The following PDE3B variants were observed in gnomAD, a reference collection of about 807,000 sequenced individuals.
PDE3B encodes phosphodiesterase 3B, also known as cGMP-inhibited 3',5'-cyclic phosphodiesterase 3B.
A neutral mutation model predicts 116.8 loss-of-function variants in PDE3B; 66 were observed. The observed-to-expected ratio is 0.56, with a 90% CI of 0.46 to 0.69. The LOEUF is 0.69. PDE3B is among the 30% of genes least tolerant of loss of function. The probability of loss-of-function intolerance (pLI) is 0.00; values close to 1 mark genes in which losing one functional copy is unlikely to be tolerated. For missense variants in PDE3B, 1,384 were observed against 1,368.1 expected, an observed-to-expected ratio of 1.01 and a Z score of -0.18; for synonymous variants, 595 against 533.6, an observed-to-expected ratio of 1.12 and a Z score of -1.59.
At chr11:14,846,504 G>A (rs1446948219) in intron 12 of PDE3B, among the ~76,000 whole-genome samples, 3 of 152,148 alleles carry the variant, frequency 2.0e-5, no homozygotes, top group Non-Finnish European at 2.9e-5. Context: ...AACTTTAAAT[G>A]TAAATGGACT....
chr11:14,739,120 T>C (rs1042479558), intron 1 of PDE3B, among the ~76,000 whole-genome samples: 1 of 152,198 alleles, frequency 6.6e-6, no homozygotes, highest in Non-Finnish European at 1.5e-5. Flanking sequence ...TTTAAAGTAG[T>C]TTTCTCTAAT....
intron 4 of PDE3B, among the ~76,000 whole-genome samples, chr11:14,796,554 C>T (rs554423602): frequency 3.9e-5 from 6 of 152,290 alleles, no homozygotes; most frequent in Non-Finnish European, 8.8e-5. Context: ...TTTTAATGAT[C>T]GCCATTCTAA....
chr11:14,701,766 GTTTA>G (rs1487206268), intron 1 of PDE3B, among the ~76,000 whole-genome samples: 2 of 150,790 alleles, frequency 1.3e-5, no homozygotes, highest in African/African-American at 4.9e-5. Flanking sequence ...TGGAAATACT[GTTTA>G]TTTGTGAACT....
At chr11:14,745,716 C>T (rs1856893562) in intron 1 of PDE3B, among the ~76,000 whole-genome samples, 1 of 151,676 alleles carries the variant, frequency 6.6e-6, no homozygotes, top group Admixed American at 6.6e-5. Flanking sequence ...TACTTTTTCC[C>T]TTCACCATTT....
chr11:14,851,953 CAT>C (rs993438616), intron 12 of PDE3B, among the ~76,000 whole-genome samples: 3 of 152,176 alleles, frequency 2.0e-5, no homozygotes, highest in African/African-American at 7.2e-5. Flanking sequence ...AAGGAGGTAA[CAT>C]ATGGAAGGTT....
chr11:14,897,345 G>C, the PDE3B span, among the ~76,000 whole-genome samples: 3 of 152,312 alleles, frequency 2.0e-5, no homozygotes, highest in South Asian at 6.2e-4. Flanking sequence ...TGAAGGTTTA[G>C]TGGGGTTGCC....
intron 12 of PDE3B, among the ~76,000 whole-genome samples, chr11:14,856,767 C>A (rs1051419781): frequency 6.6e-6 from 1 of 151,270 alleles, no homozygotes; most frequent in Non-Finnish European, 1.5e-5. Context: ...GGCAGGAGAA[C>A]GGCTTGAACC....
At chr11:14,730,974 A>G (rs1397926438) in intron 1 of PDE3B, among the ~76,000 whole-genome samples, 2 of 152,214 alleles carry the variant, frequency 1.3e-5, no homozygotes, top group African/African-American at 4.8e-5. Context: ...TAAACATTAA[A>G]AAGTATCCAG....
chr11:14,644,231 C>G lies in PDE3B; in HGVS notation c.156C>G (p.Cys52Trp). 1 of 1,587,376 alleles carries G rather than the reference C, an allele frequency of 6.3e-7. No homozygotes were observed. Among genetic ancestry groups the G allele is most frequent in the East Asian group, 2.3e-5 (1 of 43,188 alleles). The change falls in exon 1 of 16, where the codon TGC becomes TGG. Residue 52 changes from cysteine (C) to tryptophan (W), a missense_variant. By Grantham distance (215) the Cys-to-Trp change is radical. Coordinates refer to ENST00000282096, the MANE Select transcript of PDE3B (RefSeq NM_000922.4). ...CGCGCGGCTTCTTCTTCCACCTCTG[C>G]CGCTTCTGCAACGTGGAGCTGCGGC... ...DPPRGFFFHL[C>W]RFCNVELRPP... is the part of the protein sequence containing the mutation.
At chr11:14,660,586 G>A (rs972902625) in intron 1 of PDE3B, among the ~76,000 whole-genome samples, 1 of 152,052 alleles carries the variant, frequency 6.6e-6, no homozygotes, top group Non-Finnish European at 1.5e-5. Flanking sequence ...TTGCAGGCAT[G>A]AGCCACTATT....
At chr11:14,653,881 G>A (rs1300777643) in intron 1 of PDE3B, among the ~76,000 whole-genome samples, 4 of 151,996 alleles carry the variant, frequency 2.6e-5, no homozygotes, top group African/African-American at 4.8e-5. Flanking sequence ...GCCTATAGTC[G>A]CAGCTACCTG....
intron 12 of PDE3B, among the ~76,000 whole-genome samples, chr11:14,845,430 G>A (rs752687537): frequency 1.8e-4 from 28 of 152,258 alleles, no homozygotes; most frequent in African/African-American, 2.9e-4. Flanking sequence ...AAAGCAGAAC[G>A]CCTCTCCTCC....
At chr11:14,687,477 T>C (rs1218897416) in intron 1 of PDE3B, among the ~76,000 whole-genome samples, 1 of 152,162 alleles carries the variant, frequency 6.6e-6, no homozygotes. Context: ...CTAATGCAAC[T>C]GGGGAGACAA....
chr11:14,647,740 T>G (rs1431790763), intron 1 of PDE3B, among the ~76,000 whole-genome samples: 1 of 152,028 alleles, frequency 6.6e-6, no homozygotes, highest in Non-Finnish European at 1.5e-5. Flanking sequence ...GAAAGCCACT[T>G]AAACTTCTAT....
chr11:14,712,463 C>CTTT (rs1306991424), intron 1 of PDE3B, among the ~76,000 whole-genome samples: 1 of 93,160 alleles, frequency 1.1e-5, no homozygotes, highest in African/African-American at 3.8e-5. Context: ...GACGTACAAG[C>CTTT]TTGTTTTTTT....
At chr11:14,873,405 G>A (rs2134001607), downstream of PDE3B, among the ~76,000 whole-genome samples, 1 of 152,250 alleles carries the variant, frequency 6.6e-6, no homozygotes, top group Non-Finnish European at 1.5e-5. Context: ...GGAGTGCTTG[G>A]TGATATTGAC....
At chr11:14,702,498 G>A (rs1365560302) in intron 1 of PDE3B, among the ~76,000 whole-genome samples, 1 of 151,846 alleles carries the variant, frequency 6.6e-6, no homozygotes, top group Non-Finnish European at 1.5e-5. Context: ...GTGAGACAGG[G>A]AAGAGAAGAA....
intron 1 of PDE3B, among the ~76,000 whole-genome samples, chr11:14,763,921 A>G (rs757233789): frequency 2.6e-5 from 4 of 152,130 alleles, no homozygotes; most frequent in African/African-American, 4.8e-5. Flanking sequence ...GAACTTAGTT[A>G]CAATGCCCCT....
chr11:14,748,269 T>C (rs1158317898), intron 1 of PDE3B, among the ~76,000 whole-genome samples: 1 of 152,212 alleles, frequency 6.6e-6, no homozygotes, highest in Non-Finnish European at 1.5e-5. Context: ...TTAATTGTTC[T>C]CTTGGATATG....
Sources: allele counts gnomAD v4.1 joint callset (sites outside exome capture counted in the v4.1 genomes callset), GRCh38; gene constraint gnomAD v4.1.1; transcripts MANE v1.5; gene names NCBI Gene and HGNC (gene_info 2026-07-23, HGNC 2026-07-21).